Variants in AXIN2 observed in about 807,000 individuals in gnomAD.
The protein encoded by AXIN2 is axin 2.
In AXIN2, 21 loss-of-function variants were observed where a neutral mutation model predicts 74.7. The ratio of observed to expected loss-of-function variants is 0.28; its 90% confidence interval spans 0.20 to 0.40. The LOEUF (loss-of-function observed/expected upper bound fraction) is 0.40, where lower values mean the gene tolerates loss of function less well. Ranked by LOEUF, AXIN2 falls within the 10% of genes least tolerant of loss-of-function variation. The pLI, the probability that AXIN2 is intolerant of heterozygous loss-of-function variation, is 1.00. For synonymous variants in AXIN2, 532 were observed against 454.9 expected (o/e 1.17, Z -2.16); for missense variants, 1,144 against 1,111.1 (o/e 1.03, Z -0.42).
In AXIN2 at chr17:65,537,657, T is replaced by C. The variant is rs1032366089; in HGVS notation, c.1379A>G (p.Tyr460Cys). 5.7e-6 allele frequency: 9 copies of C among 1,568,026 alleles called. No individual in the cohort carries two copies. The highest frequency in any genetic ancestry group is 1.1e-5 in the South Asian group (1 of 87,240). ...PGCQSPGVGR[Y>C]SPRSRSPDHH... ...GTCCGGGGAGCGGGAGCGGGGGCTA[T>C]AGCGGCCTACGCCTGGAGACTGGCA... Residue 460 changes from tyrosine to cysteine, a missense_variant, in exon 6 of 11, where the codon TAT becomes TGT. Physicochemically the swap from Tyr to Cys is radical, Grantham distance 194 (BLOSUM62 -2). Around this residue, in one of 4 missense-constraint regions of AXIN2, gnomAD observed 1,053 missense variants for 973.5 expected, o/e 1.08. Coordinates refer to ENST00000307078, the MANE Select transcript of AXIN2 (RefSeq NM_004655.4).
Position 65,538,310 on chromosome 17 carries a change from CGGGGGTCAT to C in AXIN2, c.1084_1092del (p.Met362_Pro364del). ...TCAGCTGCAAAGGTGGCGGGTTCCA[CGGGGGTCAT>C]CTCCTTGGGCAGGCGGTGGGTTCTC... On this transcript the variant is annotated inframe_deletion, in exon 5 of 11. Transcript: ENST00000307078. 1 of 1,614,172 alleles carries C rather than the reference CGGGGGTCAT, an allele frequency of 6.2e-7. No homozygotes were observed. Among genetic ancestry groups the C allele is most frequent in the Non-Finnish European group, 8.5e-7 (1 of 1,180,028 alleles).
At position 65,529,846 on chromosome 17, in the gene AXIN2, T is replaced by C; in HGVS notation, c.*130A>G. On this transcript the variant is annotated 3_prime_UTR_variant, in exon 11 of 11. Transcript: ENST00000307078. The stretch of plus-strand genomic sequence containing the variant: ...GCCCTCCCGAAGGCCCACTGGCCGA[T>C]TCTTCCTTAGACTTTGTCTTCTTCA... 1 of 1,531,416 alleles carries C rather than the reference T, an allele frequency of 6.5e-7. No individual in the cohort carries two copies. The highest frequency in any genetic ancestry group is 1.2e-5 in the South Asian group (1 of 85,820). 94.9% of individuals were successfully genotyped at this position (1,531,416 alleles called of 1,614,324 possible).
At chr17:65,551,957 C>T (rs1348123993) in intron 2 of AXIN2, among the ~76,000 whole-genome samples, 1 of 152,180 alleles carries the variant, frequency 6.6e-6, no homozygotes, top group African/African-American at 2.4e-5. Context: ...CACTTTTGAC[C>T]AAGTGACTTG....
rs1406157571 is a variant in AXIN2 at position 65,529,442 on chromosome 17, C to T, written c.*534G>A. ...AACAGTCTGTCTTCACTTGGAGGGA[C>T]GTAGTGCAAAGCATAATTCCTCTGT... On this transcript the variant is annotated 3_prime_UTR_variant, in exon 11 of 11. Coordinates refer to ENST00000307078, the MANE Select transcript of AXIN2 (RefSeq NM_004655.4). 3.8e-6 allele frequency: 1 copy of T among 263,134 alleles called. No homozygotes were observed. Among genetic ancestry groups the T allele is most frequent in the African/African-American group, 2.2e-5 (1 of 45,736 alleles). The allele number at this position is 263,134 out of a possible 1,614,324, so 16.3% of individuals were successfully genotyped here. A position where few individuals can be genotyped will look rare whatever the true frequency, so the allele number is the denominator to read the frequency against.
At chr17:65,552,207 C>G (rs1431616685) in intron 2 of AXIN2, among the ~76,000 whole-genome samples, 3 of 152,124 alleles carry the variant, frequency 2.0e-5, no homozygotes, top group African/African-American at 4.8e-5. Flanking sequence ...GTGAAAAAGG[C>G]CTCGTAGTTG....
chr17:65,557,159 C>T (rs147559923), intron 2 of AXIN2, among the ~76,000 whole-genome samples: 4 of 152,264 alleles, frequency 2.6e-5, no homozygotes, highest in Admixed American at 6.5e-5. Context: ...GCATTTAAAA[C>T]CTGGATTAAT....
chr17:65,535,811 C>G, intron 8 of AXIN2, 90 bp from the exon 9 acceptor site: 1 of 1,219,326 alleles, frequency 8.2e-7, no homozygotes, highest in Non-Finnish European at 1.2e-6. Context: ...ATTTGGCCTC[C>G]TGAAGAGACA....
intron 2 of AXIN2, among the ~76,000 whole-genome samples, chr17:65,553,255 C>T (rs2044219332): frequency 6.6e-6 from 1 of 152,232 alleles, no homozygotes; most frequent in South Asian, 2.1e-4. Flanking sequence ...GACTGAAAAC[C>T]TTGCTGACTC....
chr17:65,530,832 T>C (rs1271742153), intron 10 of AXIN2, among the ~76,000 whole-genome samples: 1 of 152,202 alleles, frequency 6.6e-6, no homozygotes, highest in Non-Finnish European at 1.5e-5. Flanking sequence ...GCCCTTCTAT[T>C]ATGCCCGTTG....
In AXIN2 at chr17:65,535,678, T is replaced by C. The variant is rs769016231; in HGVS notation, c.2185A>G (p.Thr729Ala). Reference sequence around the variant, plus strand: ...AAGGGTGTGGCTCCCGTCTGAACAGTGGCCGAATGATTCCTGTCCCTCTGC... The same window carrying C: ...AAGGGTGTGGCTCCCGTCTGAACAGCGGCCGAATGATTCCTGTCCCTCTGC... ...SQQRDRNHSATVQTGATPFSN... is the reference protein window; with the variant it reads ...SQQRDRNHSAAVQTGATPFSN... Residue 729 changes from threonine to alanine, a missense_variant, in exon 9 of 11, where the codon ACT (threonine) becomes GCT (alanine). Transcript: ENST00000307078. The C allele has an allele frequency of 6.2e-7, 1 of 1,614,204 alleles. No homozygotes were observed. The highest frequency in any genetic ancestry group is 2.2e-5 in the East Asian group (1 of 44,890).
intron 10 of AXIN2, among the ~76,000 whole-genome samples, chr17:65,530,358 A>C (rs994474991): frequency 1.3e-5 from 2 of 152,158 alleles, no homozygotes. Context: ...GCAATCTTCA[A>C]CCCAGCACCT....
chr17:65,560,634 G>A (rs914788368), intron 1 of AXIN2: 1 of 151,840 alleles, frequency 6.6e-6, no homozygotes, highest in African/African-American at 2.4e-5. Context: ...CACCGCGCTG[G>A]GGAGGGGGCT....
Position 65,538,361 on chromosome 17 carries a change from G to A in AXIN2, c.1060-18C>T. 6.2e-7 allele frequency: 1 copy of A among 1,613,958 alleles called. No homozygotes were observed. The highest frequency in any genetic ancestry group is 8.5e-7 in the Non-Finnish European group (1 of 1,179,856). ...TGGGTTCTCTACAGGACGTGGAAAG[G>A]AAAGGGAGGAGGCACGTTCAGCAGG... On this transcript the variant is annotated intron_variant, in intron 4 of 10. Transcript: ENST00000307078.
At chr17:65,535,297 G>C (rs888939127) in intron 9 of AXIN2, among the ~76,000 whole-genome samples, 1 of 152,182 alleles carries the variant, frequency 6.6e-6, no homozygotes, top group African/African-American at 2.4e-5. Flanking sequence ...TTTCTGCTCA[G>C]GGGTGACAAA....
At chr17:65,551,347 G>A (rs533157226) in intron 2 of AXIN2, among the ~76,000 whole-genome samples, 1 of 152,086 alleles carries the variant, frequency 6.6e-6, no homozygotes, top group Non-Finnish European at 1.5e-5. Flanking sequence ...CTAGACTAGG[G>A]AGAGAGAGGG....
chr17:65,537,895 G>A (rs1269001401), intron 5 of AXIN2, 60 bp from the exon 6 acceptor site: 3 of 1,491,770 alleles, frequency 2.0e-6, no homozygotes, highest in African/African-American at 1.4e-5. Flanking sequence ...CAGAGGCCCT[G>A]GGGTTGCAAC....
At chr17:65,544,350 T>C (rs894166663) in intron 3 of AXIN2, among the ~76,000 whole-genome samples, 1 of 151,042 alleles carries the variant, frequency 6.6e-6, no homozygotes, top group Non-Finnish European at 1.5e-5. Context: ...AACAAATGAT[T>C]TCATAAGCAC....
chr17:65,543,294 C>A (rs1359839073), intron 3 of AXIN2, among the ~76,000 whole-genome samples: 1 of 152,210 alleles, frequency 6.6e-6, no homozygotes, highest in Non-Finnish European at 1.5e-5. Context: ...CTACTCATGA[C>A]TGAGAAACAG....
rs139316692 is a variant in AXIN2, at chr17:65,537,491, G to A, written c.1545C>T (p.His515=). The change falls in exon 6 of 11, where the codon CAC becomes CAT. Residue 515 remains histidine (H), a synonymous_variant. Transcript: ENST00000307078. ...CGGCATGGTGGTGGATGTAGTGGTG[G>A]TGGACATGCTTCGTCGTCTGCTTGG... ...FVTKQTTKHV[H]HHYIHHHAVP... 6.1e-4 allele frequency: 989 copies of A among 1,613,794 alleles called. 3 individuals carry two copies. Among genetic ancestry groups the A allele is most frequent in the Non-Finnish European group, 4.2e-4 (491 of 1,180,010 alleles).
Sources: gnomAD v4.1 joint callset for allele counts (sites outside exome capture counted in the v4.1 genomes callset) on GRCh38, gnomAD v4.1.1 for gene constraint, gnomAD v4.1.1 regional missense constraint, MANE v1.5 for transcripts, NCBI Gene and HGNC (gene_info 2026-07-23, HGNC 2026-07-21) for gene names.